The following PTPRH variants were observed in gnomAD, a reference collection of about 807,000 sequenced individuals.
PTPRH encodes receptor-type tyrosine-protein phosphatase H.
PTPRH carries 113 observed loss-of-function variants against 130.2 expected under a neutral mutation model. That is an observed-to-expected ratio of 0.87 (90% CI 0.75 to 1.01). PTPRH has a LOEUF of 1.01. Ranked by LOEUF, PTPRH falls within the 50% of genes least tolerant of loss-of-function variation. The probability of loss-of-function intolerance (pLI) is 0.00; values close to 1 mark genes in which losing one functional copy is unlikely to be tolerated. For missense variants in PTPRH, 1,430 were observed against 1,425.0 expected, an observed-to-expected ratio of 1.00 and a Z score of -0.06; for synonymous variants, 556 against 577.9, an observed-to-expected ratio of 0.96 and a Z score of 0.54.
intron 12 of PTPRH, among the ~76,000 whole-genome samples, chr19:55,190,507 A>ATATAT (rs2086496913): frequency 8.2e-6 from 1 of 121,548 alleles, no homozygotes; most frequent in African/African-American, 3.5e-5. Flanking sequence ...ATATTATATT[A>ATATAT]TATATAATGT....
intron 6 of PTPRH, among the ~76,000 whole-genome samples, chr19:55,201,248 A>T (rs2086854286): frequency 6.6e-6 from 1 of 151,960 alleles, no homozygotes; most frequent in Admixed American, 6.6e-5. Context: ...ATGGTGGCCC[A>T]CGCCTGTAGT....
At position 55,191,558 on chromosome 19, in the gene PTPRH, G is replaced by A. The variant is rs780861614; in HGVS notation, c.2337-10C>T. 1.9e-5 allele frequency: 31 copies of A among 1,614,052 alleles called. No homozygotes were observed. The highest frequency in any genetic ancestry group is 2.7e-5 in the African/African-American group (2 of 74,916). ...CTGCTTCTTCTTATTCCTGGGAAAA[G>A]GACGTTAGGATGAGAGGCTCAGGGG... On this transcript the variant is annotated splice_polypyrimidine_tract_variant and intron_variant, in intron 11 of 19. Transcript: ENST00000376350.
chr19:55,196,965 A>G (rs544527316), intron 9 of PTPRH, 152 bp downstream of exon 9: 6 of 1,172,316 alleles, frequency 5.1e-6, no homozygotes, highest in Middle Eastern at 2.7e-4. Flanking sequence ...TTTAAACTAC[A>G]ACTCCCATGA....
intron 13 of PTPRH, 61 bp from the exon 14 acceptor site, chr19:55,187,664 AC>A (rs935180329): frequency 2.4e-6 from 3 of 1,272,784 alleles, no homozygotes; most frequent in Admixed American, 1.7e-5. Flanking sequence ...CCTCGGGGGT[AC>A]CCCCGAGCTC....
chr19:55,190,205 CT>C (rs1162801161), intron 12 of PTPRH, among the ~76,000 whole-genome samples: 3 of 150,974 alleles, frequency 2.0e-5, no homozygotes, highest in Non-Finnish European at 4.4e-5. Flanking sequence ...ACTGTCTCTA[CT>C]AAAAAATACA....
intron 10 of PTPRH, chr19:55,192,033 A>G (rs565673688): frequency 2.0e-5 from 11 of 541,306 alleles, no homozygotes; most frequent in Admixed American, 1.9e-4. Flanking sequence ...TACTTAATAA[A>G]TAGCGAGTAC....
rs187423102 is a variant in PTPRH, at chr19:55,209,141, A to G, written c.51+242T>C. ...CCGGGTGAAGCTGGTGTCCCCCACA[A>G]CAGACACGACAATGTCTAAGGGCCC... On this transcript the variant is annotated intron_variant, in intron 1 of 19. Transcript: ENST00000376350. This position sits in a 1 kb window ranked among gnomAD's most constrained non-coding sequence, Gnocchi z 4.1. 7.6e-3 allele frequency among the ~76,000 whole-genome samples: 1,141 copies of G among 150,128 alleles called. 15 individuals are homozygous for G. Among genetic ancestry groups the G allele is most frequent in the African/African-American group, 0.026 (1,077 of 40,782 alleles).
intron 14 of PTPRH, among the ~76,000 whole-genome samples, 196 bp from the exon 15 acceptor site, chr19:55,186,736 G>A (rs556029435): frequency 7.6e-6 from 1 of 131,006 alleles, no homozygotes; most frequent in Non-Finnish European, 1.6e-5. Context: ...CAGGGAGCAG[G>A]CCAGGAGGAC....
At position 55,203,219 on chromosome 19, in the gene PTPRH, C is replaced by T. The variant is rs565888375; in HGVS notation, c.886+563G>A. 5.4e-5 allele frequency among the ~76,000 whole-genome samples: 8 copies of T among 147,760 alleles called. 1 individual carries two copies. The highest frequency in any genetic ancestry group is 1.4e-4 in the Admixed American group (2 of 14,592). On this transcript the variant is annotated intron_variant, in intron 5 of 19. Coordinates refer to ENST00000376350, the MANE Select transcript of PTPRH (RefSeq NM_002842.5). ...GTGTGCGCCTGTAGTCCCAGCTACT[C>T]GGGAGGCTGAGGCAGGAGGATGGCC... is the stretch of plus-strand genomic sequence containing the variant.
rs1373863922 is a variant in PTPRH, at chr19:55,209,243, C to T, written c.51+140G>A. ...GTGTAAGACTCTCCTACAGTCTCTG[C>T]CAAGCCTGAAGCCCTCTTCCTTCTC... On this transcript the variant is annotated intron_variant, in intron 1 of 19. Transcript: ENST00000376350. The surrounding 1 kb of genome is among the most constrained non-coding windows in gnomAD (Gnocchi z 4.1). 5.2e-6 allele frequency: 4 copies of T among 763,824 alleles called. No homozygotes were observed. The East Asian group carries it at 8.0e-5, about 15-fold the overall frequency. 47.3% of individuals were successfully genotyped at this position (763,824 alleles called of 1,614,324 possible).
chr19:55,200,352 G>T lies in PTPRH; in HGVS notation c.1304C>A (p.Thr435Lys). ...CTCAGCTGTCACACTGGTATTTGTT[G>T]TGTTTCGGGTCTCTGTGCCACCACC... ...GDGGGTETRN[T>K]TNTSVTAERL... The change falls in exon 7 of 20, where the codon ACA becomes AAA. Residue 435 changes from threonine (T) to lysine (K), a missense_variant. Coordinates refer to ENST00000376350, the MANE Select transcript of PTPRH (RefSeq NM_002842.5). 1 of 1,614,156 alleles carries T rather than the reference G, an allele frequency of 6.2e-7. No individual in the cohort carries two copies. Among genetic ancestry groups the T allele is most frequent in the Non-Finnish European group, 8.5e-7 (1 of 1,180,036 alleles).
chr19:55,206,162 GGCAAAGGTT>G (rs1019646550), intron 3 of PTPRH, among the ~76,000 whole-genome samples: 3 of 151,618 alleles, frequency 2.0e-5, no homozygotes, highest in Admixed American at 2.0e-4. Context: ...GAACCCAGGA[GGCAAAGGTT>G]GCAGTGAACC....
Position 55,193,186 on chromosome 19 carries a change from C to T in PTPRH, c.2258-1445G>A, listed in dbSNP as rs1004594992. ...GAGGCTGCAGTGAGCTGAGATTGCA[C>T]GACTGCACTCCAGACTGGGTGATAG... On this transcript the variant is annotated intron_variant, in intron 10 of 19. Coordinates refer to ENST00000376350, the MANE Select transcript of PTPRH (RefSeq NM_002842.5). Among the ~76,000 whole-genome samples the T allele has an allele frequency of 1.1e-4, 16 of 149,796 alleles. 1 individual carries two copies. The highest frequency in any genetic ancestry group is 5.3e-4 in the Admixed American group (8 of 14,976).
intron 12 of PTPRH, among the ~76,000 whole-genome samples, chr19:55,190,639 AT>A (rs1045440948): frequency 7.4e-5 from 10 of 134,448 alleles, no homozygotes; most frequent in East Asian, 2.1e-4. Flanking sequence ...TATATATATA[AT>A]TTTTTTTTGA....
At chr19:55,196,979 C>T in intron 9 of PTPRH, 138 bp downstream of exon 9, 2 of 1,241,818 alleles carry the variant, frequency 1.6e-6, no homozygotes, top group South Asian at 3.0e-5. Flanking sequence ...CCCATGAGGC[C>T]TTGGGCTCCT....
At chr19:55,194,380 G>T in intron 10 of PTPRH, 1 of 1,198,748 alleles carries the variant, frequency 8.3e-7, no homozygotes, top group South Asian at 1.5e-5. Context: ...AATGGACTTG[G>T]CCTCACAGAA....
rs759735659 is a variant in PTPRH, at chr19:55,191,538, T to G, written c.2347A>C (p.Lys783Gln). ...TCCCTGAGTTCTGGTTTCTGCTGCTTCTTCTTATTCCTGGGAAAAGGACGT... is the reference window on the plus strand; with the variant it reads ...TCCCTGAGTTCTGGTTTCTGCTGCTGCTTCTTATTCCTGGGAAAAGGACGT... ...IFFLKRRNKK[K>Q]QQKPELRDLV... The change falls in exon 12 of 20, where the codon AAG becomes CAG. Residue 783 changes from lysine to glutamine, a missense_variant. Physicochemically the swap from Lys to Gln is moderately conservative, Grantham distance 53. Coordinates refer to ENST00000376350, the MANE Select transcript of PTPRH (RefSeq NM_002842.5). The G allele has an allele frequency of 5.6e-5, 90 of 1,614,030 alleles. No individual in the cohort carries two copies. The highest frequency in any genetic ancestry group is 6.7e-5 in the Non-Finnish European group (79 of 1,180,030).
chr19:55,200,643 G>T, intron 6 of PTPRH, 141 bp from the exon 7 acceptor site: 3 of 977,294 alleles, frequency 3.1e-6, no homozygotes, highest in Non-Finnish European at 4.4e-6. Context: ...GTTCTAGACC[G>T]TGTTTCTCAG....
Position 55,203,852 on chromosome 19 carries a change from C to G in PTPRH, c.816G>C (p.Leu272Phe). ...VTVDGLGPGS[L>F]YTCSVWVEKD... The stretch of plus-strand genomic sequence containing the variant: ...TCTCCACCCACACAGAACACGTATA[C>G]AATGACCCGGGTCCAAGGCCATCCA... Residue 272 changes from leucine to phenylalanine, a missense_variant, in exon 5 of 20, where the codon TTG becomes TTC. Leu to Phe is a conservative substitution (Grantham distance 22). Transcript: ENST00000376350. 6.2e-7 allele frequency: 1 copy of G among 1,614,208 alleles called. No homozygotes were observed. Among genetic ancestry groups the G allele is most frequent in the Non-Finnish European group, 8.5e-7 (1 of 1,180,042 alleles).
Sources: allele counts gnomAD v4.1 joint callset (sites outside exome capture counted in the v4.1 genomes callset), GRCh38; gene constraint gnomAD v4.1.1; non-coding constraint Gnocchi (gnomAD v3.1); transcripts MANE v1.5; gene names NCBI Gene and HGNC (gene_info 2026-07-23, HGNC 2026-07-21).